Variants in PCSK4 observed in about 807,000 individuals in gnomAD.
PCSK4 encodes the protein testicular tissue protein Li 135.
Under a neutral mutation model 80.3 loss-of-function variants are expected in PCSK4, and 64 were observed. The observed-to-expected ratio is 0.80, with a 90% CI of 0.65 to 0.98. PCSK4 has a LOEUF of 0.98. PCSK4 is among the 50% of genes least tolerant of loss of function. The pLI is 0.00. For synonymous variants in PCSK4, 561 were observed against 487.6 expected (o/e 1.15, Z -1.98); for missense variants, 1,213 against 1,093.6 (o/e 1.11, Z -1.54).
In PCSK4 at chr19:1,484,010, G is replaced by GC. The variant is rs1016821273; in HGVS notation, c.1169+16dup. On this transcript the variant is annotated intron_variant, in intron 9 of 14. Coordinates refer to ENST00000300954, the Ensembl canonical transcript of PCSK4. Reference sequence around the variant, plus strand: ...CCTGGGGGCGAGGGCGGTGGACCGGGCCCCGCAGTCACCTACTTGGCCTCC... The same window carrying GC: ...CCTGGGGGCGAGGGCGGTGGACCGGGCCCCCGCAGTCACCTACTTGGCCTCC... 1 of 1,523,168 alleles carries GC rather than the reference G, an allele frequency of 6.6e-7. No homozygotes were observed. Among genetic ancestry groups the GC allele is most frequent in the Non-Finnish European group, 8.8e-7 (1 of 1,135,848 alleles). 94.4% of individuals were successfully genotyped at this position (1,523,168 alleles called of 1,614,324 possible). A position where few individuals can be genotyped will look rare whatever the true frequency, so the allele number is the denominator to read the frequency against.
exon 1 of PCSK4, chr19:1,490,221 C>T (rs746388277): frequency 6.2e-7 from 1 of 1,613,254 alleles, no homozygotes; most frequent in Non-Finnish European, 8.5e-7. Context: ...TACCCTGGGA[C>T]ACCTGGACGG....
chr19:1,483,530 G>A (rs1005004780), intron 11 of PCSK4, 67 bp from the exon 12 acceptor site: 27 of 1,426,208 alleles, frequency 1.9e-5, no homozygotes, highest in Non-Finnish European at 2.6e-5. Context: ...GCCAGCAGGC[G>A]AGGTCGGGGC....
chr19:1,483,446 A>T, exon 12 of PCSK4: 1 of 1,594,344 alleles, frequency 6.3e-7, no homozygotes, highest in Non-Finnish European at 8.5e-7. Context: ...CCTGATGTAG[A>T]TCAGCGGCAG....
rs1415640946 is a variant in PCSK4 at position 1,484,059 on chromosome 19, C to T, written c.1137G>A (p.Ala379=). ...CCAGCGCTAGGGCGATCATGCCGGC[C>T]GCCAGTGGGGCTGAGGCCGAGGTGC... is the stretch of plus-strand genomic sequence containing the variant. Residue 379 remains alanine, a synonymous_variant, in exon 9 of 15, where the codon GCG becomes GCA. Coordinates refer to ENST00000300954, the Ensembl canonical transcript of PCSK4. The T allele has an allele frequency of 1.9e-6, 3 of 1,561,228 alleles. No homozygotes were observed. In the South Asian group the frequency reaches 3.5e-5, roughly 18 times the overall value.
chr19:1,490,572 G>C (rs986926178), upstream of PCSK4: 5 of 478,770 alleles, frequency 1.0e-5, no homozygotes, highest in Non-Finnish European at 1.8e-5. Flanking sequence ...GGGAGCCTCA[G>C]TTTTCCCATT....
intron 8 of PCSK4, among the ~76,000 whole-genome samples, 180 bp from the exon 9 acceptor site, chr19:1,484,307 G>A (rs2145357801): frequency 6.7e-6 from 1 of 150,086 alleles, no homozygotes; most frequent in African/African-American, 2.5e-5. Flanking sequence ...GGTCAACATA[G>A]TGAAACCCCA....
At chr19:1,490,350 G>A (rs1210995053) in exon 1 of PCSK4, 3 of 1,156,194 alleles carry the variant, frequency 2.6e-6, no homozygotes, top group Non-Finnish European at 3.6e-6. Flanking sequence ...GCCGCATGGA[G>A]GCGGGGCGGG....
intron 8 of PCSK4, among the ~76,000 whole-genome samples, chr19:1,484,809 TCTC>T (rs1240448240): frequency 1.3e-5 from 2 of 151,508 alleles, no homozygotes; most frequent in Non-Finnish European, 2.9e-5. Flanking sequence ...CAAGACTCCA[TCTC>T]AAAAAAATAA....
At chr19:1,485,911 T>A (rs1017035253) in intron 8 of PCSK4, among the ~76,000 whole-genome samples, 4 of 152,082 alleles carry the variant, frequency 2.6e-5, no homozygotes, top group African/African-American at 9.7e-5. Flanking sequence ...GCTGAAGTGA[T>A]TCTCCCACTT....
At chr19:1,488,157 C>T in intron 3 of PCSK4, 31 bp downstream of exon 3, 10 of 1,613,320 alleles carry the variant, frequency 6.2e-6, no homozygotes, top group Non-Finnish European at 8.5e-6. Flanking sequence ...GCGGCCCCGT[C>T]CCCGTCTACC....
chr19:1,482,715 A>G lies in PCSK4; in HGVS notation c.1696+181T>C, dbSNP rs2084365476. On this transcript the variant is annotated intron_variant, in intron 13 of 14. Transcript: ENST00000300954. ...ACATCTCCCGTGTTACCGCACACCT[A>G]CTGTGTGCCTGTCATTGCACACCAT... is the stretch of plus-strand genomic sequence containing the variant. 5 of 760,036 alleles carry G rather than the reference A, an allele frequency of 6.6e-6. No individual in the cohort carries two copies. The South Asian group carries it at 9.0e-5, about 14-fold the overall frequency. 47.1% of individuals were successfully genotyped at this position (760,036 alleles called of 1,614,324 possible). A position where few individuals can be genotyped will look rare whatever the true frequency, so the allele number is the denominator to read the frequency against.
At chr19:1,483,505 G>T (rs1229553446) in intron 11 of PCSK4, 42 bp from the exon 12 acceptor site, 1 of 1,458,432 alleles carries the variant, frequency 6.9e-7, no homozygotes. Flanking sequence ...CGGCCTGCTG[G>T]GGGGTGGGTG....
rs1278955927 is a variant in PCSK4 at position 1,488,101 on chromosome 19, G to T, written c.388-9C>A. 14 of 1,612,836 alleles carry T rather than the reference G, an allele frequency of 8.7e-6. No homozygotes were observed. Among genetic ancestry groups the T allele is most frequent in the Non-Finnish European group, 1.2e-5 (14 of 1,179,680 alleles). The stretch of plus-strand genomic sequence containing the variant: ...GGTTGGGCCTCGCTGTTCTGCAGGG[G>T]GAGGCGGGGTTGTGACCCTGTGAGG... On this transcript the variant is annotated splice_polypyrimidine_tract_variant and intron_variant, in intron 3 of 14. Transcript: ENST00000300954.
intron 6 of PCSK4, 35 bp from the exon 7 acceptor site, chr19:1,487,348 G>C: frequency 6.6e-7 from 1 of 1,525,486 alleles, no homozygotes; most frequent in Non-Finnish European, 8.9e-7. Flanking sequence ...GCTGCCACCG[G>C]CCCTGCCCTT....
intron 8 of PCSK4, among the ~76,000 whole-genome samples, chr19:1,486,051 C>T (rs1024749295): frequency 6.6e-6 from 1 of 152,106 alleles, no homozygotes; most frequent in African/African-American, 2.4e-5. Context: ...TGGCTCACTG[C>T]AACCTCCATC....
chr19:1,482,503 G>A (rs749704911), intron 13 of PCSK4, 28 bp from the exon 14 acceptor site: 2 of 1,585,018 alleles, frequency 1.3e-6, no homozygotes, highest in Admixed American at 3.4e-5. Context: ...GTGGGCACAG[G>A]AGGAAAAGGA....
intron 8 of PCSK4, among the ~76,000 whole-genome samples, chr19:1,486,028 A>G (rs2084587734): frequency 2.0e-5 from 3 of 152,070 alleles, no homozygotes; most frequent in African/African-American, 4.8e-5. Flanking sequence ...ACTGGAGTGC[A>G]GTGGTGCAAT....
chr19:1,483,879 A>T, exon 10 of PCSK4: 1 of 1,494,874 alleles, frequency 6.7e-7, no homozygotes, highest in Non-Finnish European at 8.8e-7. Flanking sequence ...CTCGGCCTGC[A>T]GGTGCGCCGG....
chr19:1,490,165 A>G (rs1194699432), exon 1 of PCSK4: 14 of 1,613,410 alleles, frequency 8.7e-6, no homozygotes, highest in Non-Finnish European at 1.1e-5. Context: ...CACCGGCCCC[A>G]GGTTGACGAA....
Sources: allele counts gnomAD v4.1 joint callset (sites outside exome capture counted in the v4.1 genomes callset), GRCh38; gene constraint gnomAD v4.1.1; transcripts MANE v1.5; gene names NCBI Gene and HGNC (gene_info 2026-07-23, HGNC 2026-07-21).